Variants in NNT observed in about 807,000 individuals in gnomAD.
NNT encodes nicotinamide nucleotide transhydrogenase, also known as NAD(P) transhydrogenase, mitochondrial.
A neutral mutation model predicts 104.8 loss-of-function variants in NNT; 50 were observed. The ratio of observed to expected loss-of-function variants is 0.48; its 90% CI spans 0.38 to 0.60. The LOEUF (loss-of-function observed/expected upper bound fraction) is 0.60, where lower values mean the gene tolerates loss of function less well. NNT is among the 20% of genes least tolerant of loss of function. The pLI is 0.00. For synonymous variants in NNT, 461 were observed against 490.4 expected (o/e 0.94, Z 0.79); for missense variants, 1,131 against 1,330.7 (o/e 0.85, Z 2.33).
chr5:43,628,410 A>C (rs750861579), intron 7 of NNT, 23 bp downstream of exon 7: 9 of 1,522,816 alleles, frequency 5.9e-6, no homozygotes, highest in Non-Finnish European at 7.1e-6. Flanking sequence ...GTAAACGGTT[A>C]TTTTAAAAGC....
chr5:43,683,038 A>G (rs564455379), intron 19 of NNT, among the ~76,000 whole-genome samples: 2 of 152,360 alleles, frequency 1.3e-5, no homozygotes, highest in African/African-American at 4.8e-5. Flanking sequence ...TTTCAAAGTT[A>G]TAGCTGCCAC....
At chr5:43,622,408 C>G (rs946578878) in intron 5 of NNT, among the ~76,000 whole-genome samples, 4 of 152,138 alleles carry the variant, frequency 2.6e-5, no homozygotes, top group Admixed American at 2.6e-4. Flanking sequence ...CTTTCCCATA[C>G]TATTTCTTTT....
chr5:43,692,417 G>A (rs1280583321), intron 19 of NNT, among the ~76,000 whole-genome samples: 1 of 152,046 alleles, frequency 6.6e-6, no homozygotes, highest in Non-Finnish European at 1.5e-5. Flanking sequence ...TCCGCCTCCC[G>A]GGTTCAAGCA....
chr5:43,626,831 CTG>C (rs894512974), intron 6 of NNT, among the ~76,000 whole-genome samples: 136 of 150,334 alleles, frequency 9.0e-4, no homozygotes, highest in African/African-American at 3.0e-3. Flanking sequence ...ATATATATGT[CTG>C]TGTATACACA....
intron 6 of NNT, among the ~76,000 whole-genome samples, chr5:43,626,894 A>G (rs952549258): frequency 2.0e-5 from 3 of 151,916 alleles, no homozygotes; most frequent in Non-Finnish European, 2.9e-5. Context: ...ATAAATACAA[A>G]TATAACATTT....
intron 21 of NNT, among the ~76,000 whole-genome samples, chr5:43,703,531 G>C (rs2112265352): frequency 6.6e-6 from 1 of 152,248 alleles, no homozygotes; most frequent in African/African-American, 2.4e-5. Flanking sequence ...AACGCTATAA[G>C]AAGAAGAATA....
chr5:43,624,592 G>A (rs1750268415), intron 6 of NNT, among the ~76,000 whole-genome samples: 1 of 152,162 alleles, frequency 6.6e-6, no homozygotes, highest in South Asian at 2.1e-4. Flanking sequence ...TGTGTTTTAT[G>A]TTAAGATAGA....
intron 17 of NNT, among the ~76,000 whole-genome samples, chr5:43,672,333 G>GC (rs1404379491): frequency 2.0e-5 from 3 of 152,248 alleles, no homozygotes; most frequent in Non-Finnish European, 4.4e-5. Flanking sequence ...GCGAGGAGCT[G>GC]CGTTCCTTTG....
intron 7 of NNT, among the ~76,000 whole-genome samples, chr5:43,628,663 T>A (rs1296642309): frequency 6.6e-6 from 1 of 152,162 alleles, no homozygotes; most frequent in Non-Finnish European, 1.5e-5. Context: ...CTCAGCTCAC[T>A]GCAACCTCCG....
intron 5 of NNT, among the ~76,000 whole-genome samples, chr5:43,622,459 G>A (rs575900259): frequency 1.1e-3 from 170 of 152,166 alleles, no homozygotes; most frequent in Middle Eastern, 3.4e-3. Flanking sequence ...ATAGAGACAG[G>A]ATCTCACTAT....
At position 43,628,449 on chromosome 5, in the gene NNT, C is replaced by T. The variant is rs533119371; in HGVS notation, c.964+62C>T. 143 of 1,257,170 alleles carry T rather than the reference C, an allele frequency of 1.1e-4. No individual in the cohort carries two copies. In the African/African-American group the frequency reaches 1.5e-3, roughly 13 times the overall value. 77.9% of individuals were successfully genotyped at this position (1,257,170 alleles called of 1,614,324 possible). On this transcript the variant is annotated intron_variant, in intron 7 of 21. Transcript: ENST00000344920. ...TTTACTCTTTTTTTTTAAAAAAAAG[C>T]GAGAGTGAATGATTGCTTAACATTT...
chr5:43,653,260 A>G (rs1230004581), intron 14 of NNT, 47 bp downstream of exon 14: 6 of 1,519,974 alleles, frequency 3.9e-6, no homozygotes, highest in East Asian at 2.3e-5. Flanking sequence ...CAGTTTCTCA[A>G]TATATATTTC....
At chr5:43,699,330 A>G (rs1349774752) in intron 19 of NNT, among the ~76,000 whole-genome samples, 3 of 146,504 alleles carry the variant, frequency 2.0e-5, no homozygotes, top group Non-Finnish European at 3.0e-5. Flanking sequence ...CATCATGTGT[A>G]TGACAACATT....
At chr5:43,684,217 ATTTTT>A (rs34939917) in intron 19 of NNT, among the ~76,000 whole-genome samples, 2 of 143,982 alleles carry the variant, frequency 1.4e-5, no homozygotes, top group African/African-American at 2.5e-5. Flanking sequence ...TTCTTTCATA[ATTTTT>A]TTTTTTTTTT....
rs574102214 is a variant in NNT, at chr5:43,682,546, A to T, written c.2876+4740A>T. Among the ~76,000 whole-genome samples, 3 of 152,330 alleles carry T rather than the reference A, an allele frequency of 2.0e-5. No homozygotes were observed. The South Asian group carries it at 6.2e-4, about 32-fold the overall frequency. On this transcript the variant is annotated intron_variant, in intron 19 of 21. Coordinates refer to ENST00000344920, the MANE Select transcript of NNT (RefSeq NM_182977.3). ...TGTTTTTCATGGATAAGTATGATTC[A>T]GATAAACAAAGTCCAGCCTTCTTGG...
chr5:43,619,729 C>T (rs979825752), intron 5 of NNT, among the ~76,000 whole-genome samples: 10 of 152,122 alleles, frequency 6.6e-5, no homozygotes, highest in Admixed American at 6.5e-4. Flanking sequence ...GGCTAGGTGT[C>T]TTAGTCCATT....
At chr5:43,659,444 T>C (rs1191590962) in intron 17 of NNT, 94 bp downstream of exon 17, 1 of 1,122,108 alleles carries the variant, frequency 8.9e-7, no homozygotes, top group African/African-American at 1.6e-5. Flanking sequence ...AAAATGAATA[T>C]TGTAGGCTGG....
In NNT at chr5:43,706,625, ATACCCAAAGGAT is replaced by A. The variant is rs943790203; in HGVS notation, c.*2224_*2235del. The A allele has an allele frequency of 2.6e-5, 4 of 152,254 alleles. No homozygotes were observed. The highest frequency in any genetic ancestry group is 9.6e-5 in the African/African-American group (4 of 41,468). The allele number at this position is 152,254 out of a possible 1,614,324, so 9.4% of individuals were successfully genotyped here. A position where few individuals can be genotyped will look rare whatever the true frequency, so the allele number is the denominator to read the frequency against. On this transcript the variant is annotated 3_prime_UTR_variant, in exon 22 of 22. Coordinates refer to ENST00000344920, the MANE Select transcript of NNT (RefSeq NM_182977.3). ...GTATATAAATCCCATTACTGGGTAT[ATACCCAAAGGAT>A]TATAAATCATGCTGCTATAAAGACA...
chr5:43,610,539 C>T (rs1436014637), intron 2 of NNT, among the ~76,000 whole-genome samples: 1 of 152,146 alleles, frequency 6.6e-6, no homozygotes, highest in Non-Finnish European at 1.5e-5. Flanking sequence ...CCTTTGTCAC[C>T]TAGAATAATG....
Sources: allele counts gnomAD v4.1 joint callset (sites outside exome capture counted in the v4.1 genomes callset), GRCh38; gene constraint gnomAD v4.1.1; transcripts MANE v1.5; gene names NCBI Gene and HGNC (gene_info 2026-07-23, HGNC 2026-07-21).